Variants in ABCC8 observed in about 807,000 individuals in gnomAD.
ABCC8 encodes the protein ATP binding cassette subfamily C member 8.
A neutral mutation model predicts 188.0 loss-of-function variants in ABCC8; 137 were observed. That is an observed-to-expected ratio of 0.73 (90% confidence interval 0.63 to 0.84). The LOEUF is 0.84. ABCC8 is among the 40% of genes least tolerant of loss of function. ABCC8 has a pLI of 0.00. For missense variants in ABCC8, 1,750 were observed against 2,072.7 expected, an observed-to-expected ratio of 0.84 and a Z score of 3.02; for synonymous variants, 797 against 846.5, an observed-to-expected ratio of 0.94 and a Z score of 1.01.
intron 1 of ABCC8, among the ~76,000 whole-genome samples, chr11:17,475,380 G>A (rs1848704381): frequency 6.6e-6 from 1 of 152,014 alleles, no homozygotes; most frequent in Admixed American, 6.6e-5. Flanking sequence ...ACCATGCTCA[G>A]CTAATTTTTA....
chr11:17,474,889 T>A lies in ABCC8; in HGVS notation c.287A>T (p.Asp96Val). ...GAGTCCTCAGACAGTCACTCACCCA[T>A]CAGACAGGATGCCCTCTGCAATCTC... ...VCEIAEGILS[D>V]GVTESHHLHL... is the part of the protein sequence containing the mutation. Residue 96 changes from aspartate to valine, a missense_variant, in exon 2 of 39, where the codon GAT becomes GTT. Coordinates refer to ENST00000389817, the MANE Select transcript of ABCC8 (RefSeq NM_000352.6). The A allele has an allele frequency of 1.9e-6, 3 of 1,614,158 alleles. No individual in the cohort carries two copies. The highest frequency in any genetic ancestry group is 2.5e-6 in the Non-Finnish European group (3 of 1,180,016).
In ABCC8 at chr11:17,393,700, G is replaced by A. The variant is rs780203284; in HGVS notation, c.4605C>T (p.Ile1535=). ...ACCCCATCAATGGGCCCCTTACCGCGATGGTGACCACAGTGCGGTCTGCGA... is the reference window on the plus strand; with the variant it reads ...ACCCCATCAATGGGCCCCTTACCGCAATGGTGACCACAGTGCGGTCTGCGA... ...TAFADRTVVT[I]AHRVHTILSA... is the part of the protein sequence containing the mutation. Residue 1535 remains isoleucine, a synonymous_variant, in exon 38 of 39, where the codon ATC becomes ATT. Transcript: ENST00000389817. 6 of 1,614,098 alleles carry A rather than the reference G, an allele frequency of 3.7e-6. No homozygotes were observed. Among genetic ancestry groups the A allele is most frequent in the South Asian group, 2.2e-5 (2 of 91,094 alleles).
At chr11:17,407,799 C>G (rs1591747241) in intron 23 of ABCC8, among the ~76,000 whole-genome samples, 1 of 152,188 alleles carries the variant, frequency 6.6e-6, no homozygotes, top group East Asian at 1.9e-4. Context: ...GGCACATGAC[C>G]AAACTGGACC....
At chr11:17,395,440 T>C (rs771130934) in intron 35 of ABCC8, 165 bp from the exon 36 acceptor site, 3 of 1,475,696 alleles carry the variant, frequency 2.0e-6, no homozygotes, top group Non-Finnish European at 2.7e-6. Flanking sequence ...GACCCATGGG[T>C]GGGGGATCCC....
Position 17,407,057 on chromosome 11 carries a change from C to G in ABCC8, c.2993G>C (p.Arg998Pro), listed in dbSNP as rs776248166. 5.0e-6 allele frequency: 8 copies of G among 1,613,996 alleles called. No homozygotes were observed. Among genetic ancestry groups the G allele is most frequent in the South Asian group, 4.4e-5 (4 of 91,092 alleles). The change falls in exon 25 of 39, where the codon CGA (arginine) becomes CCA (proline). Residue 998 changes from arginine to proline, a missense_variant. Coordinates refer to ENST00000389817, the MANE Select transcript of ABCC8 (RefSeq NM_000352.6). ...MLHQRAEIPW[R>P]ACAKYLSSAG... ...GGAGGACAGGTACTTGGCGCAGGCTCGCCATGGGATCTCAGCACGCTGGTG... is the reference window on the plus strand; with the variant it reads ...GGAGGACAGGTACTTGGCGCAGGCTGGCCATGGGATCTCAGCACGCTGGTG...
At chr11:17,395,546 C>G in intron 35 of ABCC8, 64 bp downstream of exon 35, 2 of 1,532,118 alleles carry the variant, frequency 1.3e-6, no homozygotes, top group Non-Finnish European at 1.8e-6. Flanking sequence ...CCTCTTTGTG[C>G]TCCAGATCTG....
In ABCC8 at chr11:17,397,765, T is replaced by C. The variant is rs1954017965; in HGVS notation, c.3786A>G (p.Ala1262=). The change falls in exon 31 of 39, where the codon GCA becomes GCG. Residue 1262 remains alanine (A), a synonymous_variant. Transcript: ENST00000389817. The part of the protein sequence containing the change: ...EYIGACVVLI[A]AVTSISNSLH... ...GGGAGTTGGAGATGGAGGTCACCGCTGCGATGAGCACCACACATGCACCGA... is the reference window on the plus strand; with the variant it reads ...GGGAGTTGGAGATGGAGGTCACCGCCGCGATGAGCACCACACATGCACCGA... The C allele has an allele frequency of 1.2e-6, 2 of 1,613,706 alleles. No homozygotes were observed. Among genetic ancestry groups the C allele is most frequent in the Non-Finnish European group, 1.7e-6 (2 of 1,179,992 alleles).
At position 17,476,658 on chromosome 11, in the gene ABCC8, A is replaced by C. The variant is rs1554949242; in HGVS notation, c.119T>G (p.Leu40Arg). The change falls in exon 1 of 39, where the codon CTC becomes CGC. Residue 40 changes from leucine (L) to arginine (R), a missense_variant. Leu to Arg is a moderately radical substitution (Grantham distance 102). Coordinates refer to ENST00000389817, the MANE Select transcript of ABCC8 (RefSeq NM_000352.6). ...ALNVVPHVFLLFITFPILFIG... is the reference protein window; with the variant it reads ...ALNVVPHVFLRFITFPILFIG... Reference sequence around the variant, plus strand: ...GAAGAGGATGGGGAAGGTGATGAAGAGTAGGAAGACGTGCGGCACCACGTT... The same window carrying C: ...GAAGAGGATGGGGAAGGTGATGAAGCGTAGGAAGACGTGCGGCACCACGTT... 1 of 1,612,346 alleles carries C rather than the reference A, an allele frequency of 6.2e-7. No individual in the cohort carries two copies. The highest frequency in any genetic ancestry group is 8.5e-7 in the Non-Finnish European group (1 of 1,179,376).
In ABCC8 at chr11:17,442,853, G is replaced by C. The variant is rs745884500; in HGVS notation, c.1497C>G (p.Thr499=). 5 of 1,613,860 alleles carry C rather than the reference G, an allele frequency of 3.1e-6. No individual in the cohort carries two copies. The highest frequency in any genetic ancestry group is 4.2e-6 in the Non-Finnish European group (5 of 1,180,034). The change falls in exon 10 of 39, where the codon ACC becomes ACG. Residue 499 remains threonine, a synonymous_variant. Coordinates refer to ENST00000389817, the MANE Select transcript of ABCC8 (RefSeq NM_000352.6). ...GCTTGATGCCGCGGAGCATCTCGTTGGTCTGCTTCAGCCGCTCATTGGAAT... is the reference window on the plus strand; with the variant it reads ...GCTTGATGCCGCGGAGCATCTCGTTCGTCTGCTTCAGCCGCTCATTGGAAT... ...LEYSNERLKQ[T]NEMLRGIKLL...
chr11:17,392,848 A>G (rs1591701225), downstream of ABCC8: 2 of 999,992 alleles, frequency 2.0e-6, no homozygotes, highest in East Asian at 5.2e-5. Context: ...CCCACCATCC[A>G]CCGCCAGCCC....
intron 10 of ABCC8, among the ~76,000 whole-genome samples, chr11:17,439,383 C>T (rs183691657): frequency 1.3e-5 from 2 of 152,220 alleles, no homozygotes; most frequent in African/African-American, 4.8e-5. Context: ...TGGGCCCCAA[C>T]AGGAAATGTG....
intron 16 of ABCC8, among the ~76,000 whole-genome samples, chr11:17,423,894 C>T (rs190921107): frequency 1.6e-4 from 25 of 152,312 alleles, no homozygotes; most frequent in Admixed American, 1.6e-3. Flanking sequence ...GGTGCAAATC[C>T]CACTTCTGCC....
chr11:17,457,591 G>A (rs1316270112), intron 6 of ABCC8, among the ~76,000 whole-genome samples: 1 of 152,200 alleles, frequency 6.6e-6, no homozygotes, highest in Non-Finnish European at 1.5e-5. Context: ...GACAGATTGG[G>A]AGTAGGGGTT....
intron 31 of ABCC8, 32 bp from the exon 32 acceptor site, chr11:17,397,345 A>G (rs746498492): frequency 4.4e-6 from 7 of 1,605,438 alleles, no homozygotes; most frequent in Non-Finnish European, 4.2e-6. Flanking sequence ...CGCACACTCC[A>G]TGGTCGCTTA....
intron 16 of ABCC8, among the ~76,000 whole-genome samples, chr11:17,418,313 C>T (rs532101668): frequency 2.6e-5 from 4 of 152,176 alleles, no homozygotes; most frequent in South Asian, 4.2e-4. Context: ...CCAGGATGGA[C>T]GAAATCAAGG....
intron 21 of ABCC8, among the ~76,000 whole-genome samples, 181 bp downstream of exon 21, chr11:17,412,485 G>A (rs1954860621): frequency 6.6e-6 from 1 of 152,130 alleles, no homozygotes; most frequent in African/African-American, 2.4e-5. Flanking sequence ...GGTCATTTGT[G>A]CTATCCTTGC....
intron 3 of ABCC8, 31 bp from the exon 4 acceptor site, chr11:17,463,635 C>T (rs1042325114): frequency 1.3e-5 from 21 of 1,557,634 alleles, no homozygotes; most frequent in South Asian, 4.7e-5. Flanking sequence ...ATCGCAGAGA[C>T]GTGTGTGCAT....
chr11:17,428,262 G>A, intron 14 of ABCC8, 27 bp downstream of exon 14: 1 of 1,613,908 alleles, frequency 6.2e-7, no homozygotes, highest in Non-Finnish European at 8.5e-7. Flanking sequence ...GGTGCTGGGT[G>A]GCCAGGCATG....
At position 17,393,717 on chromosome 11, in the gene ABCC8, G is replaced by C; in HGVS notation, c.4588C>G (p.Arg1530Gly). The C allele has an allele frequency of 6.2e-7, 1 of 1,614,214 alleles. No individual in the cohort carries two copies. Among genetic ancestry groups the C allele is most frequent in the South Asian group, 1.1e-5 (1 of 91,090 alleles). Reference protein sequence around the residue: ...QKVVMTAFADRTVVTIAHRVH... With the variant: ...QKVVMTAFADGTVVTIAHRVH... The stretch of plus-strand genomic sequence containing the variant: ...CTTACCGCGATGGTGACCACAGTGC[G>C]GTCTGCGAAGGCTGTCATCACCACC... Residue 1530 changes from arginine (R) to glycine (G), a missense_variant, in exon 38 of 39, where the codon CGC (arginine) becomes GGC (glycine). Physicochemically the swap from Arg to Gly is moderately radical, Grantham distance 125 (BLOSUM62 -2). Transcript: ENST00000389817.
Sources: allele counts gnomAD v4.1 joint callset (sites outside exome capture counted in the v4.1 genomes callset), GRCh38; gene constraint gnomAD v4.1.1; transcripts MANE v1.5; gene names NCBI Gene and HGNC (gene_info 2026-07-23, HGNC 2026-07-21).